The following SCMH1 variants were observed in gnomAD, a reference collection of about 807,000 sequenced individuals.
The protein encoded by SCMH1 is polycomb protein SCMH1.
In SCMH1, 37 loss-of-function variants were observed where a neutral mutation model predicts 70.8. That is an observed-to-expected ratio of 0.52 (90% CI 0.40 to 0.69). The LOEUF (loss-of-function observed/expected upper bound fraction) is 0.69. Among genes scored for constraint, SCMH1 ranks in the 30% least tolerant of loss-of-function variants. SCMH1 has a pLI of 0.00. For synonymous variants in SCMH1, 292 were observed against 307.4 expected (o/e 0.95, Z 0.52); for missense variants, 607 against 827.3 (o/e 0.73, Z 3.27).
rs781737453 is a variant in SCMH1, at chr1:41,070,654, G to A, written c.1046C>T (p.Thr349Ile). 3 of 1,614,116 alleles carry A rather than the reference G, an allele frequency of 1.9e-6. No homozygotes were observed. In the South Asian group the frequency reaches 3.3e-5, roughly 18 times the overall value. ...GGCAGCATCCTGGGGTACAGTGCTGGTATCCGGTTCAGGAGTGCTGGTTGT... is the reference window on the plus strand; with the variant it reads ...GGCAGCATCCTGGGGTACAGTGCTGATATCCGGTTCAGGAGTGCTGGTTGT... The change falls in exon 10 of 15, where the codon ACC (threonine) becomes ATC (isoleucine). Residue 349 changes from threonine to isoleucine, a missense_variant. By Grantham distance (89) the Thr-to-Ile change is moderately conservative. Around this residue, in one of 3 missense-constraint regions of SCMH1, gnomAD observed 430 missense variants for 528.2 expected, o/e 0.81. Transcript: ENST00000337495.
In SCMH1 at chr1:41,039,827, C is replaced by T. The variant is rs1571305912; in HGVS notation, c.1499-2286G>A. ...TCTACAGAGCCCTGTGGAACCTCCA[C>T]AGGGAGGCCAAGTAAATAGGGTTAT... On this transcript the variant is annotated intron_variant, in intron 12 of 14. Coordinates refer to ENST00000337495, the Ensembl canonical transcript of SCMH1. Among the ~76,000 whole-genome samples, 5 of 152,104 alleles carry T rather than the reference C, an allele frequency of 3.3e-5. No homozygotes were observed. In the South Asian group the frequency reaches 1.0e-3, roughly 31 times the overall value.
intron 12 of SCMH1, chr1:41,045,854 C>A (rs1646834835): frequency 6.6e-6 from 1 of 152,534 alleles, no homozygotes; most frequent in African/African-American, 2.4e-5. Flanking sequence ...CATCTGCTTT[C>A]CCATTGTGGG....
intron 10 of SCMH1, among the ~76,000 whole-genome samples, chr1:41,063,327 G>A (rs1653435444): frequency 6.6e-6 from 1 of 151,974 alleles, no homozygotes; most frequent in Non-Finnish European, 1.5e-5. Context: ...TAAAAAATTA[G>A]CTGGGCGTGG....
At chr1:41,240,201 G>C (rs1204343084) in intron 1 of SCMH1, among the ~76,000 whole-genome samples, 2 of 152,160 alleles carry the variant, frequency 1.3e-5, no homozygotes, top group African/African-American at 4.8e-5. Context: ...GAAGGCTTAA[G>C]AACAAAAATA....
At chr1:41,211,360 A>G (rs1181169714) in intron 1 of SCMH1, among the ~76,000 whole-genome samples, 1 of 152,248 alleles carries the variant, frequency 6.6e-6, no homozygotes. Flanking sequence ...GGCAAAGGAT[A>G]TGAATACAGA....
Position 41,206,703 on chromosome 1 carries a change from T to C in SCMH1, c.-117-20453A>G, listed in dbSNP as rs191876232. Among the ~76,000 whole-genome samples the C allele has an allele frequency of 3.3e-5, 5 of 152,252 alleles. No individual in the cohort carries two copies. In the East Asian group the frequency reaches 9.7e-4, roughly 29 times the overall value. ...GGAAATACAGAGAACACCACAAAGA[T>C]ACTCCTTGAGAAGAGCAACCCCAAG... On this transcript the variant is annotated intron_variant, in intron 1 of 14. Coordinates refer to ENST00000337495, the Ensembl canonical transcript of SCMH1.
intron 8 of SCMH1, among the ~76,000 whole-genome samples, chr1:41,103,991 T>G (rs1176816665): frequency 6.6e-6 from 1 of 152,170 alleles, no homozygotes; most frequent in East Asian, 1.9e-4. Context: ...AGAGTACTGG[T>G]TCACTGCAGA....
At chr1:41,032,978 C>CAAAAAA (rs1327396809) in intron 13 of SCMH1, among the ~76,000 whole-genome samples, 2 of 69,006 alleles carry the variant, frequency 2.9e-5, no homozygotes, top group Non-Finnish European at 5.9e-5. Flanking sequence ...GACTCTGTCT[C>CAAAAAA]AAAAAAAAAA....
In SCMH1 at chr1:41,113,274, G is replaced by C. The variant is rs1393380596; in HGVS notation, c.745+9C>G. On this transcript the variant is annotated intron_variant, in intron 8 of 14. Transcript: ENST00000337495. The surrounding 1 kb of genome is among the most constrained non-coding windows in gnomAD (Gnocchi z 4.3). ...TCCTGATTTCAAGAGCACGTAGATG[G>C]GCCTTTACCTTTGGTGCCAGGAGGC... 1 of 1,611,926 alleles carries C rather than the reference G, an allele frequency of 6.2e-7. No individual in the cohort carries two copies. Among genetic ancestry groups the C allele is most frequent in the Admixed American group, 1.7e-5 (1 of 59,694 alleles).
chr1:41,083,210 G>T (rs1056806827), intron 8 of SCMH1, among the ~76,000 whole-genome samples: 1 of 152,162 alleles, frequency 6.6e-6, no homozygotes. Flanking sequence ...GGACATGATT[G>T]TATATCTAGA....
intron 13 of SCMH1, among the ~76,000 whole-genome samples, chr1:41,033,545 T>C (rs868002798): frequency 6.6e-6 from 1 of 152,154 alleles, no homozygotes; most frequent in Non-Finnish European, 1.5e-5. Context: ...AGACAGCCTA[T>C]GGCAAAGCTC....
chr1:41,215,718 G>A (rs1049478741), intron 1 of SCMH1, among the ~76,000 whole-genome samples: 1 of 151,860 alleles, frequency 6.6e-6, no homozygotes, highest in Admixed American at 6.6e-5. Context: ...ATTTATATCT[G>A]ACCCATACTT....
At chr1:41,160,611 C>G (rs929474034) in intron 4 of SCMH1, among the ~76,000 whole-genome samples, 8 of 152,100 alleles carry the variant, frequency 5.3e-5, no homozygotes, top group African/African-American at 1.9e-4. Flanking sequence ...TGGTTCAGTT[C>G]CTGTTCTCCC....
chr1:41,137,511 G>C (rs901328286), intron 6 of SCMH1, among the ~76,000 whole-genome samples: 3 of 152,192 alleles, frequency 2.0e-5, no homozygotes, highest in Non-Finnish European at 4.4e-5. Flanking sequence ...TTTACTTTTT[G>C]TCCTCTTGAC....
chr1:41,090,983 G>A (rs11209497), intron 8 of SCMH1, among the ~76,000 whole-genome samples: 97,705 of 150,546 alleles, frequency 0.65, 33,216 homozygotes, highest in African/African-American at 0.86. Flanking sequence ...AGCTTGCTGT[G>A]AGCCAAGATA....
chr1:41,133,605 A>T (rs1642753485), intron 6 of SCMH1, among the ~76,000 whole-genome samples: 1 of 152,222 alleles, frequency 6.6e-6, no homozygotes, highest in Non-Finnish European at 1.5e-5. Flanking sequence ...TAAAGTGGAT[A>T]TCACCACTGA....
At chr1:41,093,048 A>G (rs1312890730) in intron 8 of SCMH1, among the ~76,000 whole-genome samples, 1 of 152,228 alleles carries the variant, frequency 6.6e-6, no homozygotes, top group Non-Finnish European at 1.5e-5. Context: ...ATTATAAATC[A>G]TGCTGCTATA....
chr1:41,177,870 T>C (rs893387287), intron 2 of SCMH1, among the ~76,000 whole-genome samples: 3 of 152,082 alleles, frequency 2.0e-5, no homozygotes, highest in Non-Finnish European at 4.4e-5. Flanking sequence ...AACATTCAAA[T>C]TCAGGAAATA....
chr1:41,169,575 A>T (rs1646648970), intron 2 of SCMH1, among the ~76,000 whole-genome samples: 1 of 152,150 alleles, frequency 6.6e-6, no homozygotes, highest in Admixed American at 6.5e-5. Context: ...AGACAGCTGT[A>T]AAAGTTGGGA....
Sources: gnomAD v4.1 joint callset for allele counts (sites outside exome capture counted in the v4.1 genomes callset) on GRCh38, gnomAD v4.1.1 for gene constraint, gnomAD v4.1.1 regional missense constraint, Gnocchi (gnomAD v3.1) non-coding constraint, MANE v1.5 for transcripts, NCBI Gene and HGNC (gene_info 2026-07-23, HGNC 2026-07-21) for gene names.